The following SCN3B variants were observed in gnomAD, a reference collection of about 807,000 sequenced individuals.
SCN3B encodes the protein sodium channel regulatory subunit beta-3.
SCN3B carries 11 observed loss-of-function variants against 25.4 expected under a neutral mutation model. The observed-to-expected ratio is 0.43, with a 90% confidence interval of 0.27 to 0.72. SCN3B has a LOEUF of 0.72. Ranked by LOEUF, SCN3B falls within the 30% of genes least tolerant of loss-of-function variation. The probability of loss-of-function intolerance (pLI) is 0.18; values close to 1 mark genes in which losing one functional copy is unlikely to be tolerated. For missense variants in SCN3B, 218 were observed against 278.3 expected, an observed-to-expected ratio of 0.78 and a Z score of 1.54; for synonymous variants, 109 against 110.7, an observed-to-expected ratio of 0.99 and a Z score of 0.09.
At chr11:123,649,666 T>C (rs1352681692) in intron 2 of SCN3B, among the ~76,000 whole-genome samples, 4 of 149,538 alleles carry the variant, frequency 2.7e-5, no homozygotes, top group Non-Finnish European at 4.5e-5. Flanking sequence ...CTTTCTTTCT[T>C]TCTTTTTTTC....
rs552720052 is a variant in SCN3B, at chr11:123,649,675, T to C, written c.56-3925A>G. Among the ~76,000 whole-genome samples the C allele has an allele frequency of 1.1e-3, 160 of 144,262 alleles. No individual in the cohort carries two copies. In the East Asian group the frequency reaches 0.016, roughly 15 times the overall value. The allele number at this position is 144,262 out of a possible 152,430, so 94.6% of individuals were successfully genotyped here. ...CTTTCTCTTTCTTTCTTTCTTTTTT[T>C]CCTCTCTCTCTCTCTGTCTCTGTCT... On this transcript the variant is annotated intron_variant, in intron 2 of 6. Coordinates refer to ENST00000299333, the MANE Select transcript of SCN3B (RefSeq NM_001040151.2).
At position 123,653,949 on chromosome 11, in the gene SCN3B, C is replaced by T. The variant is rs1392607783; in HGVS notation, c.-25-123G>A. ...CCGAAGGAAGGGCCGAGCACCGGTG[C>T]CTGGGGAGGCCCTGGGAGCTTTTGG... is the stretch of plus-strand genomic sequence containing the variant. On this transcript the variant is annotated intron_variant, in intron 1 of 6. Coordinates refer to ENST00000299333, the MANE Select transcript of SCN3B (RefSeq NM_001040151.2). 3 of 907,198 alleles carry T rather than the reference C, an allele frequency of 3.3e-6. No individual in the cohort carries two copies. In the Admixed American group the frequency reaches 5.8e-5, roughly 18 times the overall value. 56.2% of individuals were successfully genotyped at this position (907,198 alleles called of 1,614,324 possible).
chr11:123,644,840 T>TATATATATATATATAC (rs1257008951), intron 3 of SCN3B, among the ~76,000 whole-genome samples: 1 of 124,648 alleles, frequency 8.0e-6, no homozygotes, highest in Non-Finnish European at 1.7e-5. Context: ...TATATATATA[T>TATATATATATATATAC]ACACACACAC....
Position 123,653,806 on chromosome 11 carries a change from T to TG in SCN3B, c.-6dup. 1 of 1,614,204 alleles carries TG rather than the reference T, an allele frequency of 6.2e-7. No homozygotes were observed. The highest frequency in any genetic ancestry group is 2.2e-5 in the East Asian group (1 of 44,890). On this transcript the variant is annotated 5_prime_UTR_variant, in exon 2 of 7. Transcript: ENST00000299333. ...CAATCTATTGAAGGCAGGCATCTTC[T>TG]GGGGCTGGCGGCTTCCAAGGCTACA... is the stretch of plus-strand genomic sequence containing the variant.
At chr11:123,650,031 C>T (rs528912500) in intron 2 of SCN3B, among the ~76,000 whole-genome samples, 43 of 152,154 alleles carry the variant, frequency 2.8e-4, no homozygotes, top group Admixed American at 2.4e-3. Flanking sequence ...CTATGAAACC[C>T]TCTAGGTATT....
chr11:123,650,179 G>A (rs925700572), intron 2 of SCN3B, among the ~76,000 whole-genome samples: 4 of 145,922 alleles, frequency 2.7e-5, no homozygotes, highest in African/African-American at 1.0e-4. Flanking sequence ...AGAAATTTAT[G>A]AGAAGGAAAA....
At chr11:123,648,389 A>T (rs969044976) in intron 2 of SCN3B, among the ~76,000 whole-genome samples, 1 of 152,226 alleles carries the variant, frequency 6.6e-6, no homozygotes, top group Non-Finnish European at 1.5e-5. Context: ...ATTTACATGA[A>T]TGTGCTTTGT....
rs374080820 is a variant in SCN3B, at chr11:123,636,835, A to G, written c.584+1351T>C. 3.3e-5 allele frequency among the ~76,000 whole-genome samples: 5 copies of G among 152,044 alleles called. No homozygotes were observed. In the South Asian group the frequency reaches 6.2e-4, roughly 19 times the overall value. Reference sequence around the variant, plus strand: ...CAGCCTCCTGAGTAGCTGGGACTACAGGCACCCGCCACCATGCCCGGCTAA... The same window carrying G: ...CAGCCTCCTGAGTAGCTGGGACTACGGGCACCCGCCACCATGCCCGGCTAA... On this transcript the variant is annotated intron_variant, in intron 5 of 6. Transcript: ENST00000299333.
At position 123,632,164 on chromosome 11, in the gene SCN3B, A is replaced by G. The variant is rs1955679890; in HGVS notation, c.*1635T>C. 1 of 152,218 alleles carries G rather than the reference A, an allele frequency of 6.6e-6. No individual in the cohort carries two copies. Among genetic ancestry groups the G allele is most frequent in the South Asian group, 2.1e-4 (1 of 4,828 alleles). 9.4% of individuals were successfully genotyped at this position (152,218 alleles called of 1,614,324 possible). On this transcript the variant is annotated 3_prime_UTR_variant, in exon 7 of 7. Coordinates refer to ENST00000299333, the MANE Select transcript of SCN3B (RefSeq NM_001040151.2). ...CTGCTCCCTCAAAATCTAGGGGAAA[A>G]AAATCTGAAAATTATGCATTCATAG... is the stretch of plus-strand genomic sequence containing the variant.
At chr11:123,646,651 G>T (rs990541504) in intron 2 of SCN3B, among the ~76,000 whole-genome samples, 1 of 152,186 alleles carries the variant, frequency 6.6e-6, no homozygotes, top group Non-Finnish European at 1.5e-5. Flanking sequence ...AAGACTTAGT[G>T]TTTCTGCCCT....
At chr11:123,648,571 C>T (rs1427524227) in intron 2 of SCN3B, among the ~76,000 whole-genome samples, 1 of 152,014 alleles carries the variant, frequency 6.6e-6, no homozygotes, top group Admixed American at 6.6e-5. Flanking sequence ...AAAACAGCAA[C>T]ATTAAATAGT....
rs561502890 is a variant in SCN3B at position 123,630,592 on chromosome 11, A to C, written c.*3207T>G. The C allele has an allele frequency of 1.3e-5, 2 of 152,714 alleles. No individual in the cohort carries two copies. The highest frequency in any genetic ancestry group is 3.9e-4 in the East Asian group (2 of 5,184). The allele number at this position is 152,714 out of a possible 1,614,324, so 9.5% of individuals were successfully genotyped here. On this transcript the variant is annotated 3_prime_UTR_variant, in exon 7 of 7. Transcript: ENST00000299333. The stretch of plus-strand genomic sequence containing the variant: ...TGGGAAGAGACAGGGAGGTGGGTGG[A>C]GATTGGAAGTAGGCTGGTGATCACA...
rs1280040291 is a variant in SCN3B, at chr11:123,654,025, T to A, written c.-25-199A>T. 2.2e-5 allele frequency: 13 copies of A among 593,696 alleles called. No homozygotes were observed. The Admixed American group carries it at 3.9e-4, about 18-fold the overall frequency. 36.8% of individuals were successfully genotyped at this position (593,696 alleles called of 1,614,324 possible). A position where few individuals can be genotyped will look rare whatever the true frequency, so the allele number is the denominator to read the frequency against. Reference sequence around the variant, plus strand: ...AGCGACCCCACTGGACCTCCCCAGTTCGAGGGAGCCGATCAGCCGCTCCGC... The same window carrying A: ...AGCGACCCCACTGGACCTCCCCAGTACGAGGGAGCCGATCAGCCGCTCCGC... On this transcript the variant is annotated intron_variant, in intron 1 of 6. Transcript: ENST00000299333.
intron 3 of SCN3B, among the ~76,000 whole-genome samples, chr11:123,643,178 ACT>A (rs1249537651): frequency 6.6e-6 from 1 of 152,032 alleles, no homozygotes; most frequent in Non-Finnish European, 1.5e-5. Context: ...TTAAAACTGG[ACT>A]CTCTGTGCTG....
At chr11:123,646,274 T>C (rs1477455812) in intron 2 of SCN3B, among the ~76,000 whole-genome samples, 1 of 152,176 alleles carries the variant, frequency 6.6e-6, no homozygotes, top group African/African-American at 2.4e-5. Context: ...AACACACTCA[T>C]GATATATTCT....
intron 5 of SCN3B, 94 bp from the exon 6 acceptor site, chr11:123,634,300 C>T: frequency 1.1e-6 from 1 of 942,102 alleles, no homozygotes; most frequent in South Asian, 1.3e-5. Context: ...CAAGGATCTA[C>T]AGAACAGCTC....
At position 123,642,661 on chromosome 11, in the gene SCN3B, T is replaced by A; in HGVS notation, c.230A>T (p.Tyr77Phe). 2 of 1,613,714 alleles carry A rather than the reference T, an allele frequency of 1.2e-6. No individual in the cohort carries two copies. The highest frequency in any genetic ancestry group is 1.7e-6 in the Non-Finnish European group (2 of 1,179,804). The stretch of plus-strand genomic sequence containing the variant: ...CTCCACCTCCTGGTGGCCATTCCGA[T>A]ACTCGTAAATCTGCAGATAGAGGAG... ...EGGKDFLIYEYRNGHQEVESP... is the reference protein window; with the variant it reads ...EGGKDFLIYEFRNGHQEVESP... The change falls in exon 4 of 7, where the codon TAT becomes TTT. Residue 77 changes from tyrosine to phenylalanine, a missense_variant. Transcript: ENST00000299333. The surrounding 1 kb of genome is among the most constrained non-coding windows in gnomAD (Gnocchi z 4.3).
rs57827654 is a variant in SCN3B, at chr11:123,643,860, T to C, written c.220-1189A>G. On this transcript the variant is annotated intron_variant, in intron 3 of 6. Transcript: ENST00000299333. ...CCTCAGTTGCAGCTTCATTGACGTGTCACTGTCACACCTGAGCCAGGCTCT... is the reference window on the plus strand; with the variant it reads ...CCTCAGTTGCAGCTTCATTGACGTGCCACTGTCACACCTGAGCCAGGCTCT... Among the ~76,000 whole-genome samples the C allele has an allele frequency of 5.6e-3, 851 of 152,312 alleles. 14 individuals carry two copies. Among genetic ancestry groups the C allele is most frequent in the African/African-American group, 0.02 (827 of 41,560 alleles).
intron 2 of SCN3B, among the ~76,000 whole-genome samples, chr11:123,647,994 C>A (rs1955873335): frequency 6.6e-6 from 1 of 152,176 alleles, no homozygotes. Flanking sequence ...GAAACATCTT[C>A]AGCATATGAT....
Sources: allele counts gnomAD v4.1 joint callset (sites outside exome capture counted in the v4.1 genomes callset), GRCh38; gene constraint gnomAD v4.1.1; non-coding constraint Gnocchi (gnomAD v3.1); transcripts MANE v1.5; gene names NCBI Gene and HGNC (gene_info 2026-07-23, HGNC 2026-07-21).